Variants in ANKS1B observed in about 807,000 individuals in gnomAD.
ANKS1B encodes the protein ankyrin repeat and sterile alpha motif domain-containing protein 1B.
ANKS1B carries 36 observed loss-of-function variants against 148.3 expected under a neutral mutation model. The observed-to-expected ratio is 0.24, with a 90% CI of 0.19 to 0.32. The LOEUF (loss-of-function observed/expected upper bound fraction) is 0.32, where lower values mean the gene tolerates loss of function less well. ANKS1B is among the 10% of genes least tolerant of loss of function. The pLI, the probability that ANKS1B is intolerant of heterozygous loss-of-function variation, is 1.00. For synonymous variants in ANKS1B, 542 were observed against 560.8 expected, an observed-to-expected ratio of 0.97 and a Z score of 0.47; for missense variants, 1,157 against 1,542.6, an observed-to-expected ratio of 0.75 and a Z score of 4.19.
intron 12 of ANKS1B, among the ~76,000 whole-genome samples, chr12:99,262,494 TTC>T (rs1178214378): frequency 7.9e-5 from 12 of 152,068 alleles, no homozygotes; most frequent in Admixed American, 1.3e-4. Flanking sequence ...TAACCTTTTA[TTC>T]TGTTTATAAA....
chr12:98,861,535 T>A (rs2099599271), intron 17 of ANKS1B, among the ~76,000 whole-genome samples: 1 of 152,196 alleles, frequency 6.6e-6, no homozygotes, highest in Non-Finnish European at 1.5e-5. Flanking sequence ...TTGCCTGGAA[T>A]GGAGGAGTTA....
intron 15 of ANKS1B, among the ~76,000 whole-genome samples, chr12:99,152,344 G>C (rs986982840): frequency 6.6e-6 from 1 of 151,794 alleles, no homozygotes; most frequent in African/African-American, 2.4e-5. Flanking sequence ...GTATTTGATT[G>C]GCCCATCTAA....
In ANKS1B at chr12:98,787,940, C is replaced by CAA. The variant is rs35105574; in HGVS notation, c.3343-5805_3343-5804dup. On this transcript the variant is annotated intron_variant, in intron 22 of 26. Transcript: ENST00000683438. ...GGGTGACGGAGCAAGACTCCATCTC[C>CAA]AAAAAAAAAAAAAAGGAAGCACAGT... Among the ~76,000 whole-genome samples the CAA allele has an allele frequency of 3.0e-3, 400 of 135,312 alleles. 1 individual carries two copies. The highest frequency in any genetic ancestry group is 4.6e-3 in the South Asian group (19 of 4,104). 88.8% of individuals were successfully genotyped at this position (135,312 alleles called of 152,430 possible). A position where few individuals can be genotyped will look rare whatever the true frequency, so the allele number is the denominator to read the frequency against.
intron 12 of ANKS1B, among the ~76,000 whole-genome samples, chr12:99,305,014 G>T (rs928522748): frequency 1.3e-5 from 2 of 152,218 alleles, no homozygotes; most frequent in African/African-American, 4.8e-5. Context: ...ACCAGCATTT[G>T]CTTCCAGTGA....
intron 12 of ANKS1B, among the ~76,000 whole-genome samples, chr12:99,339,614 C>G (rs2089565729): frequency 6.6e-6 from 1 of 152,086 alleles, no homozygotes; most frequent in South Asian, 2.1e-4. Context: ...CACTTCTCTC[C>G]CTATTTCTTC....
Position 98,745,493 on chromosome 12 carries a change from G to A in ANKS1B, c.*246C>T. The A allele has an allele frequency of 8.4e-7, 1 of 1,187,418 alleles. No homozygotes were observed. Among genetic ancestry groups the A allele is most frequent in the Non-Finnish European group, 1.0e-6 (1 of 956,662 alleles). The allele number at this position is 1,187,418 out of a possible 1,614,324, so 73.6% of individuals were successfully genotyped here. ...TGGGAGGTGGTGGGGAGGGGAGTCG[G>A]GAGCATCAGGGAAAACCCATCTCAA... On this transcript the variant is annotated 3_prime_UTR_variant, in exon 27 of 27. Transcript: ENST00000683438.
intron 17 of ANKS1B, among the ~76,000 whole-genome samples, chr12:98,862,241 G>T (rs2099602821): frequency 6.6e-6 from 1 of 152,120 alleles, no homozygotes; most frequent in Non-Finnish European, 1.5e-5. Context: ...AGGCCCTAGG[G>T]TCAGTCATCC....
chr12:99,394,083 C>T (rs956147096), intron 12 of ANKS1B, among the ~76,000 whole-genome samples: 1 of 152,170 alleles, frequency 6.6e-6, no homozygotes, highest in Non-Finnish European at 1.5e-5. Flanking sequence ...GCCAGGTGAT[C>T]ACATCATATA....
chr12:99,922,296 T>G (rs1023455528), intron 1 of ANKS1B, among the ~76,000 whole-genome samples: 2 of 152,180 alleles, frequency 1.3e-5, no homozygotes, highest in African/African-American at 4.8e-5. Flanking sequence ...CACTAAGGAC[T>G]TCTTTAATTC....
chr12:99,460,647 T>A (rs1173067367), intron 10 of ANKS1B, among the ~76,000 whole-genome samples: 1 of 151,640 alleles, frequency 6.6e-6, no homozygotes, highest in Non-Finnish European at 1.5e-5. Context: ...TATAAAAAAA[T>A]GCTCAACATC....
At chr12:99,741,486 G>A (rs1051763554) in intron 8 of ANKS1B, among the ~76,000 whole-genome samples, 1 of 152,046 alleles carries the variant, frequency 6.6e-6, no homozygotes, top group Non-Finnish European at 1.5e-5. Flanking sequence ...CAAAGACTTG[G>A]AACCAACCCA....
intron 1 of ANKS1B, among the ~76,000 whole-genome samples, chr12:99,933,140 A>C (rs1394635877): frequency 6.6e-6 from 1 of 152,158 alleles, no homozygotes; most frequent in Non-Finnish European, 1.5e-5. Context: ...TTATGCCAGT[A>C]CTGTGCTGTG....
chr12:99,306,482 C>T (rs562568833), intron 12 of ANKS1B, among the ~76,000 whole-genome samples: 40 of 152,086 alleles, frequency 2.6e-4, no homozygotes, highest in Non-Finnish European at 5.3e-4. Context: ...ACTAGATAAG[C>T]AACACATAAG....
At chr12:99,690,792 A>G (rs1204614729) in intron 8 of ANKS1B, among the ~76,000 whole-genome samples, 1 of 152,128 alleles carries the variant, frequency 6.6e-6, no homozygotes, top group Non-Finnish European at 1.5e-5. Flanking sequence ...AAGTGGATCT[A>G]TGATTCCGAG....
At chr12:99,939,554 C>A (rs147374312) in intron 1 of ANKS1B, among the ~76,000 whole-genome samples, 1 of 152,188 alleles carries the variant, frequency 6.6e-6, no homozygotes, top group East Asian at 1.9e-4. Context: ...TTCCATTGTT[C>A]TTCCAGAAGT....
At chr12:98,832,853 G>A (rs902278575) in intron 17 of ANKS1B, among the ~76,000 whole-genome samples, 9 of 152,118 alleles carry the variant, frequency 5.9e-5, no homozygotes, top group Admixed American at 3.3e-4. Flanking sequence ...AGCTCCCTGA[G>A]AGCAGGGCAC....
At chr12:99,287,166 G>C (rs973289047) in intron 12 of ANKS1B, among the ~76,000 whole-genome samples, 6 of 152,186 alleles carry the variant, frequency 3.9e-5, no homozygotes. Flanking sequence ...AGGGGTGCTT[G>C]TGTCACCCCC....
chr12:99,012,767 G>GT (rs1002440001), intron 17 of ANKS1B, among the ~76,000 whole-genome samples: 1 of 151,918 alleles, frequency 6.6e-6, no homozygotes, highest in East Asian at 1.9e-4. Flanking sequence ...TCATCAATTT[G>GT]TTTAAAAAAA....
rs1233202330 is a variant in ANKS1B, at chr12:98,751,379, G to A, written c.3723C>T (p.Pro1241=). 2 of 1,613,870 alleles carry A rather than the reference G, an allele frequency of 1.2e-6. No homozygotes were observed. The highest frequency in any genetic ancestry group is 3.3e-5 in the Admixed American group (2 of 60,014). ...ENKPSKPIPK[P]RVSIRKSVQI... is the part of the protein sequence containing the mutation. ...CCACGGACTTGCGAATGCTAACGCG[G>A]GGCTTGGGGATGGGTTTGGAGGGTT... Residue 1241 remains proline, a synonymous_variant, in exon 26 of 27, where the codon CCC becomes CCT. Coordinates refer to ENST00000683438, the MANE Select transcript of ANKS1B (RefSeq NM_001352186.2). The surrounding 1 kb of genome is among the most constrained non-coding windows in gnomAD (Gnocchi z 4.3).
Sources: allele counts gnomAD v4.1 joint callset (sites outside exome capture counted in the v4.1 genomes callset), GRCh38; gene constraint gnomAD v4.1.1; non-coding constraint Gnocchi (gnomAD v3.1); transcripts MANE v1.5; gene names NCBI Gene and HGNC (gene_info 2026-07-23, HGNC 2026-07-21).